Variants in ELMO2 observed in about 807,000 individuals in gnomAD.
The protein encoded by ELMO2 is engulfment and cell motility 2, also known as engulfment and cell motility protein 2.
ELMO2 carries 37 observed loss-of-function variants against 96.2 expected under a neutral mutation model. The ratio of observed to expected loss-of-function variants is 0.38; its 90% confidence interval spans 0.30 to 0.51. The LOEUF (loss-of-function observed/expected upper bound fraction) is 0.51. ELMO2 is among the 20% of genes least tolerant of loss of function. The pLI is 0.88. For synonymous variants in ELMO2, 315 were observed against 329.4 expected (o/e 0.96, Z 0.47); for missense variants, 561 against 912.6 (o/e 0.61, Z 4.96).
chr20:46,377,345 A>T (rs1194701612), intron 11 of ELMO2, among the ~76,000 whole-genome samples: 6 of 152,210 alleles, frequency 3.9e-5, no homozygotes, highest in Non-Finnish European at 7.3e-5. Context: ...ATTGAACTTA[A>T]TGTCCCTATT....
At chr20:46,386,589 C>G (rs573782109) in intron 8 of ELMO2, among the ~76,000 whole-genome samples, 1 of 152,306 alleles carries the variant, frequency 6.6e-6, no homozygotes, top group East Asian at 1.9e-4. Flanking sequence ...TTTACTGATA[C>G]TGGGATCTCA....
At position 46,393,604 on chromosome 20, in the gene ELMO2, A is replaced by G. The variant is rs754546418; in HGVS notation, c.120-3T>C. ...ACTCTGGGTTTGGCAACGACCACCTATGCAAGAGAAAAACAGTATATCCCA... is the reference window on the plus strand; with the variant it reads ...ACTCTGGGTTTGGCAACGACCACCTGTGCAAGAGAAAAACAGTATATCCCA... On this transcript the variant is annotated splice_polypyrimidine_tract_variant and splice_region_variant and intron_variant, in intron 4 of 21. Transcript: ENST00000290246. The G allele has an allele frequency of 9.3e-6, 15 of 1,613,412 alleles. No individual in the cohort carries two copies.
rs748354998 is a variant in ELMO2, at chr20:46,394,483, C to T, written c.-1G>A. 14 of 1,614,076 alleles carry T rather than the reference C, an allele frequency of 8.7e-6. No individual in the cohort carries two copies. Among genetic ancestry groups the T allele is most frequent in the East Asian group, 6.7e-5 (3 of 44,896 alleles). ...TGACAATGTCTGACGGTGGTGGCAT[C>T]GTTCCCAATGGGCTCTAATTCTGCG... On this transcript the variant is annotated 5_prime_UTR_variant, in exon 3 of 22. Transcript: ENST00000290246.
intron 1 of ELMO2, among the ~76,000 whole-genome samples, chr20:46,401,395 C>G (rs896832568): frequency 6.6e-6 from 1 of 152,152 alleles, no homozygotes; most frequent in African/African-American, 2.4e-5. Flanking sequence ...ATGTTAGACA[C>G]AGGACTCATT....
intron 11 of ELMO2, among the ~76,000 whole-genome samples, chr20:46,377,694 C>T (rs2261051): frequency 0.99 from 151,422 of 152,366 alleles, 75,245 homozygotes; most frequent in Middle Eastern, 1. Context: ...CCTCCCTCCC[C>T]CTGAATCGGT....
chr20:46,395,911 G>A (rs567517288), intron 2 of ELMO2, among the ~76,000 whole-genome samples: 30 of 152,228 alleles, frequency 2.0e-4, no homozygotes, highest in Non-Finnish European at 4.3e-4. Flanking sequence ...CACAACTAAA[G>A]CTCAGTGTTT....
At chr20:46,382,090 T>C in intron 10 of ELMO2, 2 of 934,362 alleles carry the variant, frequency 2.1e-6, no homozygotes, top group South Asian at 2.7e-5. Context: ...GCACACAACC[T>C]TTCCCTGGGT....
rs1360773633 is a variant in ELMO2 at position 46,376,567 on chromosome 20, G to A, written c.808-777C>T. On this transcript the variant is annotated intron_variant, in intron 11 of 21. Coordinates refer to ENST00000290246, the MANE Select transcript of ELMO2 (RefSeq NM_133171.5). ...TTCTGTCTCTGTCTTTCTCTTGCAT[G>A]CTATGTCTCCCTCGGTCTGTCCTAG... 3 of 1,237,380 alleles carry A rather than the reference G, an allele frequency of 2.4e-6. No individual in the cohort carries two copies. The Admixed American group carries it at 7.0e-5, about 29-fold the overall frequency. The allele number at this position is 1,237,380 out of a possible 1,614,324, so 76.7% of individuals were successfully genotyped here. A position where few individuals can be genotyped will look rare whatever the true frequency, so the allele number is the denominator to read the frequency against.
At chr20:46,374,686 T>A (rs762386157) in intron 13 of ELMO2, 46 bp from the exon 14 acceptor site, 4 of 1,572,762 alleles carry the variant, frequency 2.5e-6, no homozygotes, top group Non-Finnish European at 3.5e-6. Flanking sequence ...AGTCTCCGTG[T>A]ATGCAGGGAC....
Position 46,374,445 on chromosome 20 carries a change from CG to C in ELMO2, c.1171-6del, listed in dbSNP as rs1568753621. ...GCTACTGTTCTCCAAGACAATCTGT[CG>C]GGGGAAGAGAAAGGGAGGATTAGGG... On this transcript the variant is annotated splice_polypyrimidine_tract_variant and splice_region_variant and intron_variant, in intron 14 of 21. Transcript: ENST00000290246. 2 of 1,613,708 alleles carry C rather than the reference CG, an allele frequency of 1.2e-6. No individual in the cohort carries two copies. Among genetic ancestry groups the C allele is most frequent in the East Asian group, 2.2e-5 (1 of 44,874 alleles).
chr20:46,373,588 G>C, intron 15 of ELMO2, 53 bp from the exon 16 acceptor site: 2 of 1,593,958 alleles, frequency 1.3e-6, no homozygotes, highest in Non-Finnish European at 1.7e-6. Flanking sequence ...ACAAGGGCCT[G>C]GGAGCTCATG....
Position 46,371,600 on chromosome 20 carries a change from T to C in ELMO2, c.1672A>G (p.Ile558Val). The C allele has an allele frequency of 6.2e-7, 1 of 1,602,960 alleles. No individual in the cohort carries two copies. The highest frequency in any genetic ancestry group is 8.5e-7 in the Non-Finnish European group (1 of 1,175,378). Residue 558 changes from isoleucine (I) to valine (V), a missense_variant, in exon 18 of 22, where the codon ATT becomes GTT. Ile to Val is a conservative substitution (Grantham distance 29, BLOSUM62 3). Transcript: ENST00000290246. This position sits in a 1 kb window ranked among gnomAD's most constrained non-coding sequence, Gnocchi z 5.9. ...RLCEGSSFRKIGNRRRQERFW... is the reference protein window; with the variant it reads ...RLCEGSSFRKVGNRRRQERFW... ...TCACCTTGCCTTCGGCGGTTCCCAA[T>C]CTTTCGGAAGCTGCTGCCCTCACAG...
At chr20:46,398,107 G>A (rs2060277001) in intron 2 of ELMO2, among the ~76,000 whole-genome samples, 1 of 152,170 alleles carries the variant, frequency 6.6e-6, no homozygotes, top group Non-Finnish European at 1.5e-5. Flanking sequence ...ACGGAGGTCT[G>A]AGCAGACAGC....
chr20:46,394,534 T>C lies in ELMO2; in HGVS notation c.-50-2A>G, dbSNP rs759321668. Reference sequence around the variant, plus strand: ...AGACAAAAACACAGACACGGCTGCCTGGGGAGAAAGAATCAGAAAGGTGGA... The same window carrying C: ...AGACAAAAACACAGACACGGCTGCCCGGGGAGAAAGAATCAGAAAGGTGGA... On this transcript the variant is annotated splice_acceptor_variant, in intron 2 of 21. Transcript: ENST00000290246. LOFTEE classifies it low-confidence loss of function (5UTR_SPLICE). 62 of 1,579,540 alleles carry C rather than the reference T, an allele frequency of 3.9e-5. No individual in the cohort carries two copies. Among genetic ancestry groups the C allele is most frequent in the Middle Eastern group, 1.7e-4 (1 of 6,038 alleles).
At chr20:46,368,809 T>C in intron 21 of ELMO2, 82 bp downstream of exon 21, 1 of 1,491,140 alleles carries the variant, frequency 6.7e-7, no homozygotes, top group African/African-American at 1.4e-5. Context: ...CACAGGGGAC[T>C]TTCCTGTTTT....
At chr20:46,370,731 C>A (rs182777456) in intron 19 of ELMO2, among the ~76,000 whole-genome samples, 2 of 152,276 alleles carry the variant, frequency 1.3e-5, no homozygotes, top group East Asian at 3.9e-4. Flanking sequence ...TAGACCACAG[C>A]CCAGTGAGGC....
chr20:46,385,823 G>A (rs1175468911), intron 9 of ELMO2, among the ~76,000 whole-genome samples: 1 of 152,166 alleles, frequency 6.6e-6, no homozygotes, highest in African/African-American at 2.4e-5. Context: ...AGAGACTACT[G>A]GGCCCATGTG....
chr20:46,386,306 A>T, intron 8 of ELMO2, 31 bp from the exon 9 acceptor site: 2 of 1,610,450 alleles, frequency 1.2e-6, no homozygotes, highest in Non-Finnish European at 1.7e-6. Flanking sequence ...TCAATTGAGA[A>T]GCTCAGGGCC....
intron 11 of ELMO2, among the ~76,000 whole-genome samples, chr20:46,376,329 G>A (rs367739199): frequency 1.8e-4 from 27 of 152,012 alleles, no homozygotes; most frequent in East Asian, 1.9e-4. Context: ...TCCCTCCCAC[G>A]GCCCTCTCCT....
Sources: gnomAD v4.1 joint callset for allele counts (sites outside exome capture counted in the v4.1 genomes callset) on GRCh38, gnomAD v4.1.1 for gene constraint, Gnocchi (gnomAD v3.1) non-coding constraint, MANE v1.5 for transcripts, NCBI Gene and HGNC (gene_info 2026-07-23, HGNC 2026-07-21) for gene names.